CEP164: variants seen among roughly 807,000 people sequenced by gnomAD.
CEP164 encodes the protein centrosomal protein of 164 kDa.
Under a neutral mutation model 182.7 loss-of-function variants are expected in CEP164, and 162 were observed. That is an observed-to-expected ratio of 0.89 (90% CI 0.78 to 1.01). The LOEUF is 1.01. CEP164 is among the 50% of genes least tolerant of loss of function. The pLI is 0.00. For synonymous variants in CEP164, 661 were observed against 690.0 expected, an observed-to-expected ratio of 0.96 and a Z score of 0.66; for missense variants, 1,735 against 1,790.4, an observed-to-expected ratio of 0.97 and a Z score of 0.56.
intron 8 of CEP164, among the ~76,000 whole-genome samples, chr11:117,370,481 G>A (rs1033325535): frequency 1.3e-5 from 2 of 152,256 alleles, no homozygotes; most frequent in African/African-American, 2.4e-5. Context: ...GACATGACAG[G>A]TGGTGACAGA....
In CEP164 at chr11:117,387,206, A is replaced by G; in HGVS notation, c.1728A>G (p.Arg576=). The G allele has an allele frequency of 6.2e-7, 1 of 1,614,076 alleles. No individual in the cohort carries two copies. Among genetic ancestry groups the G allele is most frequent in the South Asian group, 1.1e-5 (1 of 91,080 alleles). Residue 576 remains arginine (R), a synonymous_variant, in exon 15 of 33, where the codon CGA becomes CGG. Coordinates refer to ENST00000278935, the MANE Select transcript of CEP164 (RefSeq NM_014956.5). The part of the protein sequence containing the change: ...SPTPPVSPEV[R]STEPVAPPEQ... ...TGCCATTCCCCACCCATGGTAGGCG[A>G]TCCACAGAGCCTGTGGCTCCCCCAG... is the stretch of plus-strand genomic sequence containing the variant.
chr11:117,372,492 C>G (rs1200529750), intron 9 of CEP164, among the ~76,000 whole-genome samples: 9 of 151,654 alleles, frequency 5.9e-5, no homozygotes, highest in Admixed American at 5.9e-4. Flanking sequence ...ATCAGCTCAC[C>G]ACAACCTCCG....
At chr11:117,327,944 A>AGAGCCTCGCCCGGAGCCTCGCCCG (rs767511418) in intron 1 of CEP164, 40 bp downstream of exon 1, 1 of 152,346 alleles carries the variant, frequency 6.6e-6, no homozygotes, top group Non-Finnish European at 1.5e-5. Context: ...CGCCTCGCCC[A>AGAGCCTCGCCCGGAGCCTCGCCCG]GAGCCTCGCC....
Position 117,409,776 on chromosome 11 carries a change from C to T in CEP164, c.3907C>T (p.Pro1303Ser). 3 of 1,613,908 alleles carry T rather than the reference C, an allele frequency of 1.9e-6. No individual in the cohort carries two copies. The highest frequency in any genetic ancestry group is 2.5e-6 in the Non-Finnish European group (3 of 1,179,894). Reference sequence around the variant, plus strand: ...CGCCTCCATGCCAGCCCAGCTCCCTCCCCGGGACCCTAAGAGCACCCCCAC... The same window carrying T: ...CGCCTCCATGCCAGCCCAGCTCCCTTCCCGGGACCCTAAGAGCACCCCCAC... ...LLASMPAQLP[P>S]RDPKSTPTPT... The change falls in exon 30 of 33, where the codon CCC becomes TCC. Residue 1303 changes from proline to serine, a missense_variant. By Grantham distance (74) the Pro-to-Ser change is moderately conservative (BLOSUM62 -1). Transcript: ENST00000278935. The surrounding 1 kb of genome is among the most constrained non-coding windows in gnomAD (Gnocchi z 4.4).
At chr11:117,366,746 C>T (rs957421069) in intron 8 of CEP164, among the ~76,000 whole-genome samples, 2 of 152,194 alleles carry the variant, frequency 1.3e-5, no homozygotes, top group Non-Finnish European at 1.5e-5. Flanking sequence ...GGGGTCTCTG[C>T]AGAACACGGT....
chr11:117,353,528 G>A (rs993442881), intron 5 of CEP164, among the ~76,000 whole-genome samples: 1 of 152,204 alleles, frequency 6.6e-6, no homozygotes, highest in African/African-American at 2.4e-5. Flanking sequence ...GTTCTGGGGT[G>A]GAGAGCTGGG....
In CEP164 at chr11:117,412,103, G is replaced by A. The variant is rs2047429080; in HGVS notation, c.4318G>A (p.Ala1440Thr). Residue 1440 changes from alanine (A) to threonine (T), a missense_variant, in exon 33 of 33, where the codon GCT becomes ACT. Ala to Thr is a moderately conservative substitution (Grantham distance 58, BLOSUM62 0). Transcript: ENST00000278935. The part of the protein sequence containing the change: ...PLFSSTPKPK[A>T]TLSLLQLGLD... ...CTTCTCGTCAACACCCAAGCCAAAAGCTACTTTGAGCCTCCTGCAGCTGGG... is the reference window on the plus strand; with the variant it reads ...CTTCTCGTCAACACCCAAGCCAAAAACTACTTTGAGCCTCCTGCAGCTGGG... The A allele has an allele frequency of 6.2e-7, 1 of 1,614,146 alleles. No individual in the cohort carries two copies. The highest frequency in any genetic ancestry group is 8.5e-7 in the Non-Finnish European group (1 of 1,180,042).
intron 20 of CEP164, 138 bp downstream of exon 20, chr11:117,393,264 G>A (rs2044955312): frequency 2.9e-6 from 4 of 1,398,084 alleles, no homozygotes; most frequent in South Asian, 1.4e-5. Context: ...GTGGGGCAGA[G>A]GAAGGGGATA....
At position 117,411,572 on chromosome 11, in the gene CEP164, T is replaced by G; in HGVS notation, c.4164-223T>G. The G allele has an allele frequency of 1.9e-6, 1 of 518,232 alleles. No homozygotes were observed. The highest frequency in any genetic ancestry group is 2.0e-5 in the South Asian group (1 of 48,858). The allele number at this position is 518,232 out of a possible 1,614,324, so 32.1% of individuals were successfully genotyped here. ...GTGGGAGCCCAGAGCCTTGTATCAG[T>G]AGCACCCAGCAAGGGGGCAGAGGGC... is the stretch of plus-strand genomic sequence containing the variant. On this transcript the variant is annotated intron_variant, in intron 31 of 32. Coordinates refer to ENST00000278935, the MANE Select transcript of CEP164 (RefSeq NM_014956.5). This position sits in a 1 kb window ranked among gnomAD's most constrained non-coding sequence, Gnocchi z 4.4.
At chr11:117,344,927 CA>C (rs112315083) in intron 4 of CEP164, among the ~76,000 whole-genome samples, 15 of 130,248 alleles carry the variant, frequency 1.2e-4, no homozygotes, top group South Asian at 2.5e-4. Context: ...GACTCCATCT[CA>C]AAAAAAAAAA....
chr11:117,361,734 T>A, intron 5 of CEP164, 101 bp from the exon 6 acceptor site: 1 of 1,243,708 alleles, frequency 8.0e-7, no homozygotes, highest in Admixed American at 1.8e-5. Flanking sequence ...GGTTTAAATT[T>A]GAGCGTGCAG....
chr11:117,349,360 A>G (rs1278746172), intron 4 of CEP164, among the ~76,000 whole-genome samples: 5 of 152,268 alleles, frequency 3.3e-5, no homozygotes, highest in East Asian at 3.9e-4. Flanking sequence ...TCTTTTGGCT[A>G]TTGTGAATAA....
chr11:117,368,580 T>G (rs577704793), intron 8 of CEP164, among the ~76,000 whole-genome samples: 2 of 152,240 alleles, frequency 1.3e-5, no homozygotes, highest in East Asian at 3.9e-4. Flanking sequence ...TCTTTAATCT[T>G]GGGATGAGCC....
At chr11:117,355,062 A>T in intron 5 of CEP164, 10 of 1,289,770 alleles carry the variant, frequency 7.8e-6, no homozygotes, top group Non-Finnish European at 1.0e-5. Flanking sequence ...GGATCCTATA[A>T]CAAAGGAAAG....
chr11:117,383,041 C>G (rs1258954821), intron 14 of CEP164, 99 bp downstream of exon 14: 4 of 1,384,360 alleles, frequency 2.9e-6, no homozygotes, highest in Non-Finnish European at 2.9e-6. Context: ...GGCTCAGGCT[C>G]TGGCCAAGGG....
In CEP164 at chr11:117,371,271, T is replaced by A; in HGVS notation, c.957T>A (p.Ser319Arg). 6.2e-7 allele frequency: 1 copy of A among 1,613,780 alleles called. No individual in the cohort carries two copies. The highest frequency in any genetic ancestry group is 1.1e-5 in the South Asian group (1 of 91,064). ...GLPEKEENEK[S>R]EPKICRNLVT... ...CAGAAAAAGAGGAAAATGAGAAGAG[T>A]GAACCTAAGATTTGCAGGAATCTGG... The change falls in exon 9 of 33, where the codon AGT (serine) becomes AGA (arginine). Residue 319 changes from serine to arginine, a missense_variant. Ser to Arg is a moderately radical substitution (Grantham distance 110). Transcript: ENST00000278935.
Position 117,335,695 on chromosome 11 carries a change from C to A in CEP164, c.-22+15C>A, listed in dbSNP as rs185382021. The A allele has an allele frequency of 6.6e-6, 1 of 152,496 alleles. No homozygotes were observed. Among genetic ancestry groups the A allele is most frequent in the Non-Finnish European group, 1.4e-5 (1 of 69,628 alleles). 9.4% of individuals were successfully genotyped at this position (152,496 alleles called of 1,614,324 possible). ...AAGGAGGAGAGGTAAGGTTCCAAAA[C>A]GGCGGTCAAAGCTCATCGACTAAAC... On this transcript the variant is annotated intron_variant, in intron 2 of 32. Transcript: ENST00000278935.
At chr11:117,386,003 C>T (rs2043907297) in intron 14 of CEP164, 1 of 152,202 alleles carries the variant, frequency 6.6e-6, no homozygotes, top group African/African-American at 2.4e-5. Flanking sequence ...CGCTGCTTTC[C>T]ATCTGCAGCG....
chr11:117,325,823 A>G (rs181445974), upstream of CEP164, among the ~76,000 whole-genome samples: 500 of 152,260 alleles, frequency 3.3e-3, 2 homozygotes, highest in Middle Eastern at 0.017. Context: ...ACAGAGAGGG[A>G]AACTCCAAAA....
Sources: allele counts gnomAD v4.1 joint callset (sites outside exome capture counted in the v4.1 genomes callset), GRCh38; gene constraint gnomAD v4.1.1; non-coding constraint Gnocchi (gnomAD v3.1); transcripts MANE v1.5; gene names NCBI Gene and HGNC (gene_info 2026-07-23, HGNC 2026-07-21).